POMGNT1: variants seen among roughly 807,000 people sequenced by gnomAD.
The protein encoded by POMGNT1 is protein O-linked mannose N-acetylglucosaminyltransferase 1 (beta 1,2-).
Under a neutral mutation model 95.6 loss-of-function variants are expected in POMGNT1, and 67 were observed. The observed-to-expected ratio is 0.70, with a 90% CI of 0.58 to 0.86. The LOEUF is 0.86. POMGNT1 is among the 40% of genes least tolerant of loss of function. POMGNT1 has a pLI of 0.00. For missense variants in POMGNT1, 719 were observed against 855.2 expected, an observed-to-expected ratio of 0.84 and a Z score of 1.99; for synonymous variants, 298 against 317.9, an observed-to-expected ratio of 0.94 and a Z score of 0.66.
At chr1:46,193,695 CCT>C in intron 10 of POMGNT1, 56 bp from the exon 11 acceptor site, 2 of 1,611,612 alleles carry the variant, frequency 1.2e-6, no homozygotes, top group South Asian at 1.1e-5. Context: ...CTCAGGTTCC[CCT>C]GTGTTTACAG....
intron 2 of POMGNT1, 57 bp downstream of exon 2, chr1:46,197,645 G>A: frequency 1.2e-6 from 2 of 1,610,114 alleles, no homozygotes; most frequent in Non-Finnish European, 8.5e-7. Flanking sequence ...CCTGATTTAG[G>A]TGGGGAGGAA....
upstream of POMGNT1, among the ~76,000 whole-genome samples, chr1:46,201,469 G>A (rs1658529420): frequency 6.6e-6 from 1 of 152,184 alleles, no homozygotes; most frequent in African/African-American, 2.4e-5. Context: ...GGAGGCTGAG[G>A]CAGGCAGATC....
Position 46,197,796 on chromosome 1 carries a change from A to G in POMGNT1, c.26T>C (p.Leu9Pro). The change falls in exon 2 of 22, where the codon CTC (leucine) becomes CCC (proline). Residue 9 changes from leucine to proline, a missense_variant. Around this residue, in one of 5 missense-constraint regions of POMGNT1, gnomAD observed 466 missense variants for 517.4 expected, o/e 0.90. Coordinates refer to ENST00000371984, the MANE Select transcript of POMGNT1 (RefSeq NM_017739.4). Reference sequence around the variant, plus strand: ...CTTCCGAGCCCCAAAGGGCTTGATGAGGGGGCTGGGCTTCCAGTCGTCCAT... The same window carrying G: ...CTTCCGAGCCCCAAAGGGCTTGATGGGGGGGCTGGGCTTCCAGTCGTCCAT... MDDWKPSPLIKPFGARKKR... is the reference protein window; with the variant it reads MDDWKPSPPIKPFGARKKR... The G allele has an allele frequency of 6.2e-7, 1 of 1,614,072 alleles. No homozygotes were observed. Among genetic ancestry groups the G allele is most frequent in the East Asian group, 2.2e-5 (1 of 44,880 alleles).
At chr1:46,198,542 T>TGGCGGCGGTGGC (rs930297008), upstream of POMGNT1, 2 of 76,384 alleles carry the variant, frequency 2.6e-5, no homozygotes, top group African/African-American at 1.0e-4. Context: ...GCGGCGGCGG[T>TGGCGGCGGTGGC]GGCGGCAGCG....
rs1276257634 is a variant in POMGNT1, at chr1:46,198,356, CGCTCGGGCCCCGCTAGGGCCCTCACT to C, written c.-97_-72del. The C allele has an allele frequency of 6.5e-6, 1 of 152,998 alleles. No homozygotes were observed. Among genetic ancestry groups the C allele is most frequent in the Non-Finnish European group, 1.5e-5 (1 of 68,182 alleles). The allele number at this position is 152,998 out of a possible 1,614,324, so 9.5% of individuals were successfully genotyped here. ...CTCACGGCTTAGGGGCCCCGGGCCCCGCTCGGGCCCCGCTAGGGCCCTCACTGCTCGGCCCGGCTCGCCGCGGCCTC... is the reference window on the plus strand; with the variant it reads ...CTCACGGCTTAGGGGCCCCGGGCCCCGCTCGGCCCGGCTCGCCGCGGCCTC... On this transcript the variant is annotated 5_prime_UTR_variant, in exon 1 of 22. The change abolishes the stop of an existing upstream ORF in the 5' untranslated region. Coordinates refer to ENST00000371984, the MANE Select transcript of POMGNT1 (RefSeq NM_017739.4).
chr1:46,220,070 C>A, exon 1 of POMGNT1: 1 of 1,614,192 alleles, frequency 6.2e-7, no homozygotes, highest in Non-Finnish European at 8.5e-7. Flanking sequence ...TGGCAGCCAC[C>A]AGGCTAGGGA....
chr1:46,195,951 T>A (rs773350401), intron 5 of POMGNT1, 27 bp from the exon 6 acceptor site: 1 of 1,614,106 alleles, frequency 6.2e-7, no homozygotes, highest in Admixed American at 1.7e-5. Flanking sequence ...TTCTGGTGAG[T>A]TGGTGTCATC....
At chr1:46,205,400 C>T (rs1285238390) in intron 1 of POMGNT1, among the ~76,000 whole-genome samples, 1 of 152,210 alleles carries the variant, frequency 6.6e-6, no homozygotes, top group East Asian at 1.9e-4. Flanking sequence ...GAACCCAGAT[C>T]ATCTGACTGC....
In POMGNT1 at chr1:46,194,841, C is replaced by G. The variant is rs772758795; in HGVS notation, c.652+3G>C. On this transcript the variant is annotated splice_donor_region_variant and intron_variant, in intron 7 of 21. Coordinates refer to ENST00000371984, the MANE Select transcript of POMGNT1 (RefSeq NM_017739.4). ...CAGAGTGGATGGCCTCTGATGCCGG[C>G]ACCTCCTTTTCGTCCCACGAAGGCC... 6.2e-7 allele frequency: 1 copy of G among 1,614,140 alleles called. No homozygotes were observed. Among genetic ancestry groups the G allele is most frequent in the South Asian group, 1.1e-5 (1 of 91,080 alleles).
rs2148192741 is a variant in POMGNT1 at position 46,193,373 on chromosome 1, C to T, written c.1042G>A (p.Val348Met). 1 of 1,612,940 alleles carries T rather than the reference C, an allele frequency of 6.2e-7. No homozygotes were observed. Among genetic ancestry groups the T allele is most frequent in the Non-Finnish European group, 8.5e-7 (1 of 1,179,518 alleles). The change falls in exon 12 of 22, where the codon GTG (valine) becomes ATG (methionine). Residue 348 changes from valine (V) to methionine (M), a missense_variant. By Grantham distance (21) the Val-to-Met change is conservative. This residue lies in a region of POMGNT1 where 466 missense variants were observed against 517.4 expected (regional missense o/e 0.90). Transcript: ENST00000371984. ...ATGCCCCTCAGACCAAACAGTGCCA[C>T]CACATCCATGGGTTCCTGGGGGACA... ...DGYYEEPMDV[V>M]ALFGLRGIQH...
Position 46,192,417 on chromosome 1 carries a change from T to C in POMGNT1, c.1304A>G (p.Glu435Gly). 1 of 1,614,162 alleles carries C rather than the reference T, an allele frequency of 6.2e-7. No individual in the cohort carries two copies. The highest frequency in any genetic ancestry group is 8.5e-7 in the Non-Finnish European group (1 of 1,180,028). Residue 435 changes from glutamate to glycine, a missense_variant, in exon 16 of 22, where the codon GAG (glutamate) becomes GGG (glycine). Glu to Gly is a moderately conservative substitution (Grantham distance 98). Around this residue, in one of 5 missense-constraint regions of POMGNT1, gnomAD observed 118 missense variants for 153.6 expected, o/e 0.77. Transcript: ENST00000371984. ...CACACGGTACAGTAGTGCTGGGTCC[T>C]CAGCCGTGTGTTCATACCCCTGGGG... is the stretch of plus-strand genomic sequence containing the variant. ...WNDQGYEHTA[E>G]DPALLYRVET...
chr1:46,189,281 C>T lies in POMGNT1; in HGVS notation c.1972G>A (p.Glu658Lys), dbSNP rs1366257979. 6.2e-7 allele frequency: 1 copy of T among 1,613,272 alleles called. No homozygotes were observed. Among genetic ancestry groups the T allele is most frequent in the African/African-American group, 1.3e-5 (1 of 74,862 alleles). Residue 658 changes from glutamate to lysine, a missense_variant, in exon 22 of 22, where the codon GAA becomes AAA. Physicochemically the swap from Glu to Lys is moderately conservative, Grantham distance 56. This residue lies in a region of POMGNT1 where 130 missense variants were observed against 149.2 expected (regional missense o/e 0.87). Transcript: ENST00000371984. Reference protein sequence around the residue: ...PKEEGAPGAPEQT With the variant: ...PKEEGAPGAPKQT ...TCCTGGAGGAGGTCTCATGTCTGTT[C>T]TGGGGCTCCTGGGGCTCCCTCCTCC...
chr1:46,215,551 A>C (rs1420477408), intron 1 of POMGNT1, among the ~76,000 whole-genome samples: 1 of 152,224 alleles, frequency 6.6e-6, no homozygotes, highest in Non-Finnish European at 1.5e-5. Context: ...GGTCACATAC[A>C]AAGGATCAGG....
intron 1 of POMGNT1, among the ~76,000 whole-genome samples, chr1:46,211,439 G>GCACACACACACACA (rs57919535): frequency 1.3e-5 from 1 of 78,960 alleles, no homozygotes; most frequent in African/African-American, 3.5e-5. Context: ...ATGAAAACCT[G>GCACACACACACACA]CACACACACA....
rs2148205851 is a variant in POMGNT1, at chr1:46,194,955, C to T, written c.541G>A (p.Gly181Ser). 1 of 1,614,060 alleles carries T rather than the reference C, an allele frequency of 6.2e-7. No individual in the cohort carries two copies. The highest frequency in any genetic ancestry group is 1.1e-5 in the South Asian group (1 of 91,084). Reference sequence around the variant, plus strand: ...GCTGTGTCCTTGAGGTGGAAGGAGCCCTCATCCTGGGGGACCAGAGAAGGC... The same window carrying T: ...GCTGTGTCCTTGAGGTGGAAGGAGCTCTCATCCTGGGGGACCAGAGAAGGC... The part of the protein sequence containing the change: ...RVLICTVKDE[G>S]SFHLKDTAKA... The change falls in exon 7 of 22, where the codon GGC (glycine) becomes AGC (serine). Residue 181 changes from glycine (G) to serine (S), a missense_variant. Physicochemically the swap from Gly to Ser is moderately conservative, Grantham distance 56. Coordinates refer to ENST00000371984, the MANE Select transcript of POMGNT1 (RefSeq NM_017739.4).
chr1:46,209,533 TTTTC>T (rs1658826014), intron 1 of POMGNT1, among the ~76,000 whole-genome samples: 2 of 130,828 alleles, frequency 1.5e-5, no homozygotes, highest in Admixed American at 1.6e-4. Flanking sequence ...TCTGTTGTTG[TTTTC>T]TTTTTTTTTT....
chr1:46,191,548 C>T (rs7552312), intron 17 of POMGNT1: 34,885 of 193,826 alleles, frequency 0.18, 3,255 homozygotes, highest in Admixed American at 0.25. Flanking sequence ...ACCAGCTGAC[C>T]CTTATATATG....
intron 2 of POMGNT1, 128 bp downstream of exon 2, chr1:46,197,574 T>A: frequency 6.4e-7 from 1 of 1,564,542 alleles, no homozygotes; most frequent in South Asian, 1.1e-5. Context: ...CACATAGAGG[T>A]CTCCCCTCTA....
chr1:46,212,544 G>T (rs1356354014), intron 1 of POMGNT1, among the ~76,000 whole-genome samples: 2 of 151,710 alleles, frequency 1.3e-5, no homozygotes, highest in African/African-American at 2.4e-5. Context: ...GCCTCCCAAA[G>T]TGCTGGGATT....
Sources: allele counts gnomAD v4.1 joint callset (sites outside exome capture counted in the v4.1 genomes callset), GRCh38; gene constraint gnomAD v4.1.1; regional missense constraint gnomAD v4.1.1; transcripts MANE v1.5; gene names NCBI Gene and HGNC (gene_info 2026-07-23, HGNC 2026-07-21).